TARS2: variants seen among roughly 807,000 people sequenced by gnomAD.
The protein encoded by TARS2 is threonine--tRNA ligase, mitochondrial.
A neutral mutation model predicts 94.4 loss-of-function variants in TARS2; 61 were observed. The ratio of observed to expected loss-of-function variants is 0.65; its 90% CI spans 0.53 to 0.80. The LOEUF is 0.80. Ranked by LOEUF, TARS2 falls within the 30% of genes least tolerant of loss-of-function variation. TARS2 has a pLI of 0.00. For synonymous variants in TARS2, 359 were observed against 353.4 expected (o/e 1.02, Z -0.18); for missense variants, 704 against 902.5 (o/e 0.78, Z 2.82).
Position 150,487,906 on chromosome 1 carries a change from T to C in TARS2, c.115T>C (p.Phe39Leu). 1 of 1,613,806 alleles carries C rather than the reference T, an allele frequency of 6.2e-7. No individual in the cohort carries two copies. Among genetic ancestry groups the C allele is most frequent in the Non-Finnish European group, 8.5e-7 (1 of 1,180,018 alleles). Residue 39 changes from phenylalanine to leucine, a missense_variant, in exon 2 of 18, where the codon TTT (phenylalanine) becomes CTT (leucine). This residue lies in a region of TARS2 where 208 missense variants were observed against 228.5 expected (regional missense o/e 0.91). Coordinates refer to ENST00000369064, the MANE Select transcript of TARS2 (RefSeq NM_025150.5). Reference sequence around the variant, plus strand: ...CTGGTTGGCAGAGCGGCTTGGCCTTTTTGAGGAGCTGTGGGCTGCTCAGGT... The same window carrying C: ...CTGGTTGGCAGAGCGGCTTGGCCTTCTTGAGGAGCTGTGGGCTGCTCAGGT... ...PRWLAERLGL[F>L]EELWAAQVKR...
chr1:150,503,667 A>C (rs1345475806), intron 13 of TARS2, among the ~76,000 whole-genome samples: 2 of 150,170 alleles, frequency 1.3e-5, no homozygotes, highest in African/African-American at 2.5e-5. Flanking sequence ...ATGTGTGTAT[A>C]TATGTGTGTA....
intron 13 of TARS2, among the ~76,000 whole-genome samples, chr1:150,499,806 C>A (rs1179734365): frequency 6.6e-6 from 1 of 151,952 alleles, no homozygotes; most frequent in African/African-American, 2.4e-5. Context: ...GTGTAGGTAC[C>A]AAGAGAGCAC....
At chr1:150,506,525 CTG>C (rs1670224165) in intron 17 of TARS2, among the ~76,000 whole-genome samples, 1 of 145,570 alleles carries the variant, frequency 6.9e-6, no homozygotes, top group East Asian at 2.0e-4. Flanking sequence ...CAGTTTCTCT[CTG>C]TGGGGTTCTC....
chr1:150,503,093 A>G (rs1051467249), intron 13 of TARS2, among the ~76,000 whole-genome samples: 4 of 152,202 alleles, frequency 2.6e-5, no homozygotes, highest in African/African-American at 9.7e-5. Flanking sequence ...TATTAGGGCA[A>G]TCCAAAGGAT....
At chr1:150,494,559 G>T (rs993689556) in intron 7 of TARS2, among the ~76,000 whole-genome samples, 4 of 152,054 alleles carry the variant, frequency 2.6e-5, no homozygotes, top group Non-Finnish European at 4.4e-5. Context: ...GGCCAACATG[G>T]TGAAACCTCG....
intron 13 of TARS2, among the ~76,000 whole-genome samples, chr1:150,501,054 C>G (rs1669889793): frequency 6.6e-6 from 1 of 151,926 alleles, no homozygotes; most frequent in Admixed American, 6.6e-5. Flanking sequence ...TCTTCCCATC[C>G]CATGGTATCA....
rs1670266912 is a variant in TARS2 at position 150,507,152 on chromosome 1, C to T, written c.*88C>T. ...CCCAACCCAGCTGACAATGTGGAGC[C>T]CCCAGAACTTCAGAACTGTGTGGAG... On this transcript the variant is annotated 3_prime_UTR_variant, in exon 18 of 18. Transcript: ENST00000369064. The T allele has an allele frequency of 2.6e-6, 4 of 1,553,998 alleles. No individual in the cohort carries two copies. The highest frequency in any genetic ancestry group is 2.6e-6 in the Non-Finnish European group (3 of 1,144,740).
chr1:150,501,900 G>A (rs182993462), intron 13 of TARS2, among the ~76,000 whole-genome samples: 18 of 151,906 alleles, frequency 1.2e-4, no homozygotes, highest in Middle Eastern at 3.4e-3. Context: ...TGTTTGTTTT[G>A]TTTTATTTAT....
chr1:150,494,809 G>A (rs587685756), intron 7 of TARS2, among the ~76,000 whole-genome samples: 89 of 151,876 alleles, frequency 5.9e-4, no homozygotes, highest in African/African-American at 2.1e-3. Flanking sequence ...AGGCTGAGGC[G>A]AGTGAATCAC....
In TARS2 at chr1:150,504,949, G is replaced by A; in HGVS notation, c.1864G>A (p.Gly622Arg). The A allele has an allele frequency of 1.9e-6, 3 of 1,614,212 alleles. No homozygotes were observed. The highest frequency in any genetic ancestry group is 2.5e-6 in the Non-Finnish European group (3 of 1,180,044). The change falls in exon 16 of 18, where the codon GGG becomes AGG. Residue 622 changes from glycine to arginine, a missense_variant. By Grantham distance (125) the Gly-to-Arg change is moderately radical. This residue lies in a region of TARS2 where 466 missense variants were observed against 609.5 expected (regional missense o/e 0.76). Transcript: ENST00000369064. The part of the protein sequence containing the change: ...SPFQVVVIPV[G>R]SEQEEYAKEA... ...GTTCCAGGTGGTGGTCATCCCTGTG[G>A]GGAGTGAGCAAGAGGAATACGCCAA...
intron 6 of TARS2, chr1:150,492,035 C>T (rs748361060): frequency 4.2e-5 from 11 of 262,440 alleles, no homozygotes; most frequent in Non-Finnish European, 5.8e-5. Flanking sequence ...GGCGCGATCT[C>T]GGCTCACTGC....
Position 150,496,858 on chromosome 1 carries a change from T to C in TARS2, c.970T>C (p.Phe324Leu). ...FHELSPGSCF[F>L]LPRGTRVYNA... The stretch of plus-strand genomic sequence containing the variant: ...TGAACTGAGCCCTGGGAGCTGCTTC[T>C]TCCTGCCACGAGGGACAAGGGTGTA... The change falls in exon 9 of 18, where the codon TTC (phenylalanine) becomes CTC (leucine). Residue 324 changes from phenylalanine (F) to leucine (L), a missense_variant. Physicochemically the swap from Phe to Leu is conservative, Grantham distance 22. Around this residue, in one of 3 missense-constraint regions of TARS2, gnomAD observed 466 missense variants for 609.5 expected, o/e 0.76. Transcript: ENST00000369064. 1 of 1,614,128 alleles carries C rather than the reference T, an allele frequency of 6.2e-7. No individual in the cohort carries two copies.
chr1:150,488,206 T>A, intron 2 of TARS2, 152 bp downstream of exon 2: 1 of 944,706 alleles, frequency 1.1e-6, no homozygotes. Context: ...TTTTTTGTTG[T>A]TGTTCTTTTA....
At chr1:150,494,489 C>G (rs187991166) in intron 7 of TARS2, among the ~76,000 whole-genome samples, 1 of 151,254 alleles carries the variant, frequency 6.6e-6, no homozygotes, top group African/African-American at 2.4e-5. Context: ...CGTGTAATCC[C>G]AACACTTTGG....
chr1:150,505,030 G>T (rs1334926539), intron 16 of TARS2, 52 bp downstream of exon 16: 1 of 1,593,588 alleles, frequency 6.3e-7, no homozygotes, highest in East Asian at 2.2e-5. Flanking sequence ...TAGAGAGTCT[G>T]GTGCCCTGCA....
At position 150,504,671 on chromosome 1, in the gene TARS2, A is replaced by G; in HGVS notation, c.1758A>G (p.Arg586=). Residue 586 remains arginine (R), a synonymous_variant, in exon 15 of 18, where the codon CGA becomes CGG. Transcript: ENST00000369064. ...GALERPVLIH[R]AVLGSVERLL... ...TGGAGCGTCCAGTCCTCATTCACCGAGCAGTGCTCGGTTCTGTGGAAAGAC... is the reference window on the plus strand; with the variant it reads ...TGGAGCGTCCAGTCCTCATTCACCGGGCAGTGCTCGGTTCTGTGGAAAGAC... The G allele has an allele frequency of 6.2e-7, 1 of 1,613,724 alleles. No individual in the cohort carries two copies. Among genetic ancestry groups the G allele is most frequent in the Non-Finnish European group, 8.5e-7 (1 of 1,179,828 alleles).
At chr1:150,499,427 G>T in intron 13 of TARS2, 134 bp downstream of exon 13, 1 of 804,490 alleles carries the variant, frequency 1.2e-6, no homozygotes. Flanking sequence ...GCAGTGGTGT[G>T]ATCTCAGCTC....
chr1:150,507,111 C>G lies in TARS2; in HGVS notation c.*47C>G. 1 of 1,608,540 alleles carries G rather than the reference C, an allele frequency of 6.2e-7. No individual in the cohort carries two copies. The highest frequency in any genetic ancestry group is 8.5e-7 in the Non-Finnish European group (1 of 1,177,034). ...AAAAACCTGCGAGTGCCATCAGCCT[C>G]CCTCACATGGGAGACCCCAACCCAG... On this transcript the variant is annotated 3_prime_UTR_variant, in exon 18 of 18. Coordinates refer to ENST00000369064, the MANE Select transcript of TARS2 (RefSeq NM_025150.5).
Position 150,505,447 on chromosome 1 carries a change from G to A in TARS2, c.1894-144G>A, listed in dbSNP as rs1392310872. 5.3e-6 allele frequency: 4 copies of A among 755,086 alleles called. No homozygotes were observed. The East Asian group carries it at 1.0e-4, about 19-fold the overall frequency. 46.8% of individuals were successfully genotyped at this position (755,086 alleles called of 1,614,324 possible). ...AGGCCTCAATGTGGAGATGAAATGA[G>A]GAGAGGTTGCTGGTAAGAAGTGGAG... On this transcript the variant is annotated intron_variant, in intron 16 of 17. Transcript: ENST00000369064.
Sources: gnomAD v4.1 joint callset for allele counts (sites outside exome capture counted in the v4.1 genomes callset) on GRCh38, gnomAD v4.1.1 for gene constraint, gnomAD v4.1.1 regional missense constraint, MANE v1.5 for transcripts, NCBI Gene and HGNC (gene_info 2026-07-23, HGNC 2026-07-21) for gene names.